SNX22: variants seen among roughly 807,000 people sequenced by gnomAD.
SNX22 encodes the protein sorting nexin-22.
SNX22 carries 23 observed loss-of-function variants against 24.7 expected under a neutral mutation model. The observed-to-expected ratio is 0.93, with a 90% CI of 0.67 to 1.32. The LOEUF is 1.32. Ranked by LOEUF, SNX22 falls within the 40% of genes most tolerant of loss-of-function variation. The pLI is 0.00. For synonymous variants in SNX22, 99 were observed against 104.0 expected (o/e 0.95, Z 0.29); for missense variants, 261 against 249.9 (o/e 1.04, Z -0.30).
rs758291391 is a variant in SNX22, at chr15:64,156,175, A to C, written c.*1667A>C. On this transcript the variant is annotated 3_prime_UTR_variant, in exon 7 of 7. Transcript: ENST00000325881. This position sits in a 1 kb window ranked among gnomAD's most constrained non-coding sequence, Gnocchi z 6.4. ...AAAAGAAAGGTGGAAGCAGGAGGGC[A>C]TGGTGGATCAGGAGGTCCACCGCTC... is the stretch of plus-strand genomic sequence containing the variant. 4 of 1,613,420 alleles carry C rather than the reference A, an allele frequency of 2.5e-6. No individual in the cohort carries two copies. The South Asian group carries it at 4.4e-5, about 18-fold the overall frequency.
chr15:64,153,873 C>T lies in SNX22; in HGVS notation c.393-62C>T. ...CCTGGTGATGGCAACCCCGTCTCCA[C>T]CCCTCTGTGGGATTCTGCCCTGCCT... On this transcript the variant is annotated intron_variant, in intron 5 of 6. Coordinates refer to ENST00000325881, the MANE Select transcript of SNX22 (RefSeq NM_024798.3). The T allele has an allele frequency of 1.9e-6, 3 of 1,593,454 alleles. No homozygotes were observed. In the South Asian group the frequency reaches 3.4e-5, roughly 18 times the overall value.
At chr15:64,154,220 G>C in intron 6 of SNX22, 167 bp from the exon 7 acceptor site, 1 of 1,578,420 alleles carries the variant, frequency 6.3e-7, no homozygotes, top group Non-Finnish European at 8.6e-7. Flanking sequence ...TTACCAAGCT[G>C]ATGTGAAAAG....
Position 64,153,244 on chromosome 15 carries a change from G to C in SNX22, c.265-1G>C. The C allele has an allele frequency of 6.2e-7, 1 of 1,614,120 alleles. No homozygotes were observed. Among genetic ancestry groups the C allele is most frequent in the Non-Finnish European group, 8.5e-7 (1 of 1,180,008 alleles). ...TTGCAGGTCTCCTCTGTCCTCTCCA[G>C]GGCATCCTGTACCTGAACCAGGAGG... On this transcript the variant is annotated splice_acceptor_variant, in intron 3 of 6. Coordinates refer to ENST00000325881, the MANE Select transcript of SNX22 (RefSeq NM_024798.3). LOFTEE classifies it high-confidence loss of function.
Position 64,156,226 on chromosome 15 carries a change from C to T in SNX22, c.*1718C>T, listed in dbSNP as rs2081530473. On this transcript the variant is annotated 3_prime_UTR_variant, in exon 7 of 7. Coordinates refer to ENST00000325881, the MANE Select transcript of SNX22 (RefSeq NM_024798.3). This position sits in a 1 kb window ranked among gnomAD's most constrained non-coding sequence, Gnocchi z 6.4. ...AGGAGAAAGGCCCCAGCGTATGGCTCAGGAGGGCTAAGACCCACAAGTGAT... is the reference window on the plus strand; with the variant it reads ...AGGAGAAAGGCCCCAGCGTATGGCTTAGGAGGGCTAAGACCCACAAGTGAT... 2 of 1,568,090 alleles carry T rather than the reference C, an allele frequency of 1.3e-6. No homozygotes were observed. Among genetic ancestry groups the T allele is most frequent in the Admixed American group, 1.8e-5 (1 of 56,082 alleles).
At position 64,152,758 on chromosome 15, in the gene SNX22, G is replaced by A; in HGVS notation, c.264+16G>A. The A allele has an allele frequency of 6.2e-7, 1 of 1,611,706 alleles. No homozygotes were observed. Among genetic ancestry groups the A allele is most frequent in the South Asian group, 1.1e-5 (1 of 91,016 alleles). ...TTACATCCAGGTATGCGAGAGCACA[G>A]TTGGTTGCCCCCCGGCCTTCTGTGC... On this transcript the variant is annotated intron_variant, in intron 3 of 6. Coordinates refer to ENST00000325881, the MANE Select transcript of SNX22 (RefSeq NM_024798.3).
chr15:64,153,572 T>A, intron 4 of SNX22, 80 bp from the exon 5 acceptor site: 1 of 1,586,878 alleles, frequency 6.3e-7, no homozygotes, highest in Non-Finnish European at 8.7e-7. Context: ...GAGGTGCAGT[T>A]CTGGGCTCTG....
At chr15:64,153,569 AGTTCTGG>A (rs2140177072) in intron 4 of SNX22, 76 bp from the exon 5 acceptor site, 1 of 1,573,334 alleles carries the variant, frequency 6.4e-7, no homozygotes, top group African/African-American at 1.3e-5. Context: ...TGGGAGGTGC[AGTTCTGG>A]GCTCTGGTGT....
At chr15:64,151,875 G>T in intron 1 of SNX22, 25 bp downstream of exon 1, 1 of 1,520,088 alleles carries the variant, frequency 6.6e-7, no homozygotes. Context: ...TGGATGGGGA[G>T]GGGCGCCGGG....
rs2081503322 is a variant in SNX22 at position 64,153,637 on chromosome 15, T to C, written c.360-15T>C. ...GGCATCCCCAGGCAGCTTACAGTGT[T>C]TCTCTTCTCTTCAGCACCCTGAGGG... On this transcript the variant is annotated splice_polypyrimidine_tract_variant and intron_variant, in intron 4 of 6. Coordinates refer to ENST00000325881, the MANE Select transcript of SNX22 (RefSeq NM_024798.3). 2.5e-6 allele frequency: 4 copies of C among 1,613,934 alleles called. No individual in the cohort carries two copies. Among genetic ancestry groups the C allele is most frequent in the East Asian group, 2.2e-5 (1 of 44,882 alleles).
chr15:64,153,408 C>G, intron 4 of SNX22, 69 bp downstream of exon 4: 1 of 1,600,226 alleles, frequency 6.2e-7, no homozygotes. Flanking sequence ...TGTTGGAGGG[C>G]AAGCCCTTTC....
chr15:64,156,027 T>G lies in SNX22; in HGVS notation c.*1519T>G, dbSNP rs1223993251. The G allele has an allele frequency of 1.9e-6, 3 of 1,614,138 alleles. No homozygotes were observed. In the South Asian group the frequency reaches 3.3e-5, roughly 18 times the overall value. On this transcript the variant is annotated 3_prime_UTR_variant, in exon 7 of 7. Transcript: ENST00000325881. This position sits in a 1 kb window ranked among gnomAD's most constrained non-coding sequence, Gnocchi z 6.4. ...AAAGAAAGATGTCCCTGTGCCCTAC[T>G]CCTTGGCGATGGCAAAGGGCTTCTC... is the stretch of plus-strand genomic sequence containing the variant.
rs767343999 is a variant in SNX22 at position 64,153,997 on chromosome 15, C to T, written c.455C>T (p.Ser152Phe). 6.2e-7 allele frequency: 1 copy of T among 1,614,100 alleles called. No homozygotes were observed. Among genetic ancestry groups the T allele is most frequent in the Non-Finnish European group, 8.5e-7 (1 of 1,180,012 alleles). The part of the protein sequence containing the change: ...FHVDPYVCNP[S>F]PESLPNVVVN... Reference sequence around the variant, plus strand: ...GTGGATCCCTATGTTTGCAACCCCTCCCCAGGTGAGGAGGTGCCTAGATAT... The same window carrying T: ...GTGGATCCCTATGTTTGCAACCCCTTCCCAGGTGAGGAGGTGCCTAGATAT... The change falls in exon 6 of 7, where the codon TCC becomes TTC. Residue 152 changes from serine to phenylalanine, a missense_variant. Physicochemically the swap from Ser to Phe is radical, Grantham distance 155 (BLOSUM62 -2). Transcript: ENST00000325881.
chr15:64,153,784 G>C (rs1294965248), intron 5 of SNX22, 100 bp downstream of exon 5: 1 of 1,600,650 alleles, frequency 6.2e-7, no homozygotes, highest in Non-Finnish European at 8.5e-7. Flanking sequence ...CCTGGGCCCT[G>C]AAGTCTGTTT....
At chr15:64,152,168 G>A in intron 1 of SNX22, 75 bp from the exon 2 acceptor site, 6 of 1,294,644 alleles carry the variant, frequency 4.6e-6, no homozygotes, top group Non-Finnish European at 6.0e-6. Context: ...GGGTGGGCAC[G>A]TCGCCAGGCG....
chr15:64,153,825 A>T, intron 5 of SNX22, 110 bp from the exon 6 acceptor site: 1 of 1,588,288 alleles, frequency 6.3e-7, no homozygotes. Flanking sequence ...CCCATTTCCC[A>T]CTCACCTTTT....
At chr15:64,152,220 C>T (rs927152833) in intron 1 of SNX22, 23 bp from the exon 2 acceptor site, 69 of 1,388,742 alleles carry the variant, frequency 5.0e-5, no homozygotes, top group Admixed American at 7.4e-5. Flanking sequence ...ACGCGCAGAC[C>T]CGCTGCCCGC....
In SNX22 at chr15:64,155,941, C is replaced by G. The variant is rs2081526524; in HGVS notation, c.*1433C>G. 1 of 1,606,842 alleles carries G rather than the reference C, an allele frequency of 6.2e-7. No homozygotes were observed. The highest frequency in any genetic ancestry group is 1.3e-5 in the African/African-American group (1 of 74,918). Reference sequence around the variant, plus strand: ...GGGTCCGCTCCACCAGATGCCAGCACCGGGGCCAGTGCAGCTCAGAGCCCT... The same window carrying G: ...GGGTCCGCTCCACCAGATGCCAGCAGCGGGGCCAGTGCAGCTCAGAGCCCT... On this transcript the variant is annotated 3_prime_UTR_variant, in exon 7 of 7. Transcript: ENST00000325881.
chr15:64,152,441 G>T, intron 2 of SNX22, 115 bp downstream of exon 2: 1 of 1,290,548 alleles, frequency 7.7e-7, no homozygotes. Context: ...TACTGCCTCA[G>T]TCCCTGCGCA....
At position 64,157,182 on chromosome 15, in the gene SNX22, C is replaced by T. The variant is rs542159968; in HGVS notation, c.*2674C>T. The T allele has an allele frequency of 1.4e-5, 7 of 515,502 alleles. No homozygotes were observed. Among genetic ancestry groups the T allele is most frequent in the Admixed American group, 1.3e-4 (4 of 30,752 alleles). The allele number at this position is 515,502 out of a possible 1,614,324, so 31.9% of individuals were successfully genotyped here. The stretch of plus-strand genomic sequence containing the variant: ...ATAGTTTTGTGGCTTTTAAATAAGG[C>T]GCATGTTATCAGCTCCCCTTAGCTA... On this transcript the variant is annotated 3_prime_UTR_variant, in exon 7 of 7. Transcript: ENST00000325881. This position sits in a 1 kb window ranked among gnomAD's most constrained non-coding sequence, Gnocchi z 4.2.
Sources: allele counts gnomAD v4.1 joint callset, GRCh38; gene constraint gnomAD v4.1.1; non-coding constraint Gnocchi (gnomAD v3.1); transcripts MANE v1.5; gene names NCBI Gene and HGNC (gene_info 2026-07-23, HGNC 2026-07-21).